Variants in B3GALNT1 observed in about 807,000 individuals in gnomAD.
The protein encoded by B3GALNT1 is beta-1,3-N-acetylgalactosaminyltransferase 1 (Globoside blood group).
Under a neutral mutation model 27.3 loss-of-function variants are expected in B3GALNT1, and 17 were observed. The ratio of observed to expected loss-of-function variants is 0.62; its 90% CI spans 0.43 to 0.94. The LOEUF is 0.94. Ranked by LOEUF, B3GALNT1 falls within the 40% of genes least tolerant of loss-of-function variation. B3GALNT1 has a pLI of 0.00. For missense variants in B3GALNT1, 347 were observed against 390.0 expected, an observed-to-expected ratio of 0.89 and a Z score of 0.93; for synonymous variants, 141 against 144.0, an observed-to-expected ratio of 0.98 and a Z score of 0.15.
intron 4 of B3GALNT1, among the ~76,000 whole-genome samples, chr3:161,098,229 G>C (rs980410886): frequency 6.6e-6 from 1 of 152,168 alleles, no homozygotes; most frequent in Non-Finnish European, 1.5e-5. Context: ...CTGTTCAGGA[G>C]TCAGGGTGTC....
intron 4 of B3GALNT1, among the ~76,000 whole-genome samples, chr3:161,090,240 A>G (rs1457479782): frequency 3.9e-5 from 6 of 152,212 alleles, no homozygotes; most frequent in Non-Finnish European, 7.3e-5. Flanking sequence ...ATCAAAATAT[A>G]TAAAGCAAAA....
chr3:161,086,131 A>C lies in B3GALNT1; in HGVS notation c.624T>G (p.Pro208=). 1 of 1,610,012 alleles carries C rather than the reference A, an allele frequency of 6.2e-7. No individual in the cohort carries two copies. The change falls in exon 5 of 5, where the codon CCT becomes CCG. Residue 208 remains proline, a synonymous_variant. Transcript: ENST00000320474. ...NHSEKFFTGY[P]LIDNYSYRGF... Reference sequence around the variant, plus strand: ...CTCTATAGGAATAATTATCAATTAGAGGATAACCTGTGAAAAACTTCTCTG... The same window carrying C: ...CTCTATAGGAATAATTATCAATTAGCGGATAACCTGTGAAAAACTTCTCTG...
chr3:161,096,122 T>C (rs1443395314), intron 4 of B3GALNT1, among the ~76,000 whole-genome samples: 1 of 152,256 alleles, frequency 6.6e-6, no homozygotes, highest in South Asian at 2.1e-4. Flanking sequence ...TAACACATAG[T>C]AGGCTCTCTG....
chr3:161,103,191 A>C (rs1294158210), intron 3 of B3GALNT1: 1 of 208,488 alleles, frequency 4.8e-6, no homozygotes, highest in African/African-American at 2.4e-5. Flanking sequence ...TGGGAAACAT[A>C]AAGTGGCCTT....
intron 4 of B3GALNT1, among the ~76,000 whole-genome samples, chr3:161,099,603 A>T (rs1730106775): frequency 1.3e-5 from 2 of 152,212 alleles, no homozygotes; most frequent in Non-Finnish European, 2.9e-5. Flanking sequence ...GTTATTTCTC[A>T]ACAGAATTTT....
At chr3:161,088,578 G>C (rs1438088881) in intron 4 of B3GALNT1, among the ~76,000 whole-genome samples, 3 of 152,128 alleles carry the variant, frequency 2.0e-5, no homozygotes, top group Non-Finnish European at 4.4e-5. Flanking sequence ...ACCTGAAATG[G>C]AATAGTTTGA....
chr3:161,091,442 C>T (rs748602300), intron 4 of B3GALNT1, among the ~76,000 whole-genome samples: 23 of 152,102 alleles, frequency 1.5e-4, no homozygotes, highest in Non-Finnish European at 3.2e-4. Flanking sequence ...CTTTAAATCG[C>T]GCACTGTTCT....
chr3:161,104,465 C>T, intron 1 of B3GALNT1, 59 bp from the exon 2 acceptor site: 2 of 788,630 alleles, frequency 2.5e-6, no homozygotes, highest in Non-Finnish European at 3.6e-6. Context: ...CCTCCTAAAT[C>T]CAACATTAAG....
At chr3:161,101,842 C>A (rs1456309313) in intron 3 of B3GALNT1, among the ~76,000 whole-genome samples, 3 of 152,166 alleles carry the variant, frequency 2.0e-5, no homozygotes, top group African/African-American at 7.2e-5. Flanking sequence ...TGCGTAACTC[C>A]ATTCTCAACG....
chr3:161,092,769 T>TC (rs988259559), intron 4 of B3GALNT1, among the ~76,000 whole-genome samples: 13 of 142,232 alleles, frequency 9.1e-5, no homozygotes, highest in Non-Finnish European at 1.7e-4. Flanking sequence ...TTTTCTTTTT[T>TC]TTTTTTTTTT....
chr3:161,098,076 T>C (rs752992401), intron 4 of B3GALNT1, among the ~76,000 whole-genome samples: 38 of 152,214 alleles, frequency 2.5e-4, no homozygotes, highest in Non-Finnish European at 3.4e-4. Flanking sequence ...CTCCAAAATT[T>C]TAGCAATAGT....
chr3:161,088,571 T>C (rs1723289669), intron 4 of B3GALNT1, among the ~76,000 whole-genome samples: 1 of 152,186 alleles, frequency 6.6e-6, no homozygotes, highest in African/African-American at 2.4e-5. Context: ...GAAAAAAACC[T>C]GAAATGGAAT....
chr3:161,086,933 T>A (rs1722368545), intron 4 of B3GALNT1, 145 bp from the exon 5 acceptor site: 1 of 858,094 alleles, frequency 1.2e-6, no homozygotes. Flanking sequence ...TCTACTTCAT[T>A]TAACTGTAAG....
At position 161,101,191 on chromosome 3, in the gene B3GALNT1, G is replaced by C; in HGVS notation, c.-87C>G. On this transcript the variant is annotated 5_prime_UTR_variant, in exon 4 of 5. Transcript: ENST00000320474. ...AGCACCACGTGATAGAGCAGCCAGC[G>C]GGAAGAGCCAACAGGTCAACCGGGT... is the stretch of plus-strand genomic sequence containing the variant. The C allele has an allele frequency of 7.8e-7, 1 of 1,289,888 alleles. No individual in the cohort carries two copies. The highest frequency in any genetic ancestry group is 1.2e-5 in the South Asian group (1 of 81,030). 79.9% of individuals were successfully genotyped at this position (1,289,888 alleles called of 1,614,324 possible). A position where few individuals can be genotyped will look rare whatever the true frequency, so the allele number is the denominator to read the frequency against.
intron 4 of B3GALNT1, among the ~76,000 whole-genome samples, chr3:161,088,486 G>T (rs952964029): frequency 6.6e-6 from 1 of 152,046 alleles, no homozygotes; most frequent in Non-Finnish European, 1.5e-5. Flanking sequence ...ATTTGTAAAA[G>T]GATAAAATAT....
intron 4 of B3GALNT1, among the ~76,000 whole-genome samples, chr3:161,099,512 G>T (rs1356586580): frequency 6.6e-6 from 1 of 152,126 alleles, no homozygotes; most frequent in African/African-American, 2.4e-5. Context: ...GATAAAAGGT[G>T]GTGAAGTAAA....
intron 4 of B3GALNT1, among the ~76,000 whole-genome samples, chr3:161,095,688 T>C (rs1489352315): frequency 6.6e-6 from 1 of 152,136 alleles, no homozygotes; most frequent in Non-Finnish European, 1.5e-5. Context: ...CTGCTAACCC[T>C]GGTAGTATAG....
chr3:161,091,389 G>A (rs34484892), intron 4 of B3GALNT1, among the ~76,000 whole-genome samples: 2,623 of 152,226 alleles, frequency 0.017, 67 homozygotes, highest in African/African-American at 0.059. Context: ...ACTACAGTCT[G>A]GAAATATTAA....
In B3GALNT1 at chr3:161,086,747, G is replaced by A. The variant is rs552493375; in HGVS notation, c.8C>T (p.Ser3Leu). Residue 3 changes from serine (S) to leucine (L), a missense_variant, in exon 5 of 5, where the codon TCG becomes TTG. By Grantham distance (145) the Ser-to-Leu change is moderately radical. Coordinates refer to ENST00000320474, the MANE Select transcript of B3GALNT1 (RefSeq NM_003781.4). ...ACTCGGAAGGACAGTCCAGAGAGCCGAGGCCATCCACAGCAGCTCAGAAGC... is the reference window on the plus strand; with the variant it reads ...ACTCGGAAGGACAGTCCAGAGAGCCAAGGCCATCCACAGCAGCTCAGAAGC... MA[S>L]ALWTVLPSRM... 440 of 1,613,802 alleles carry A rather than the reference G, an allele frequency of 2.7e-4. 5 individuals are homozygous for A. The South Asian group carries it at 4.4e-3, about 16-fold the overall frequency.
Sources: gnomAD v4.1 joint callset for allele counts (sites outside exome capture counted in the v4.1 genomes callset) on GRCh38, gnomAD v4.1.1 for gene constraint, MANE v1.5 for transcripts, NCBI Gene and HGNC (gene_info 2026-07-23, HGNC 2026-07-21) for gene names.